AUTS2: variants seen among roughly 807,000 people sequenced by gnomAD.
The protein encoded by AUTS2 is autism susceptibility gene 2 protein.
Under a neutral mutation model 112.4 loss-of-function variants are expected in AUTS2, and 17 were observed. That is an observed-to-expected ratio of 0.15 (90% CI 0.10 to 0.23). The LOEUF is 0.23. Among genes scored for constraint, AUTS2 ranks in the 10% least tolerant of loss-of-function variants. The pLI is 1.00. For missense variants in AUTS2, 1,510 were observed against 1,701.6 expected, an observed-to-expected ratio of 0.89 and a Z score of 1.98; for synonymous variants, 751 against 702.7, an observed-to-expected ratio of 1.07 and a Z score of -1.09.
At chr7:70,683,253 G>A (rs867374879) in intron 5 of AUTS2, among the ~76,000 whole-genome samples, 1 of 145,270 alleles carries the variant, frequency 6.9e-6, no homozygotes, top group Non-Finnish European at 1.6e-5. Context: ...TTCGTGGAAA[G>A]GACTTTGCAG....
At chr7:69,688,656 T>C (rs983036065) in intron 1 of AUTS2, among the ~76,000 whole-genome samples, 5 of 152,198 alleles carry the variant, frequency 3.3e-5, no homozygotes, top group African/African-American at 1.2e-4. Flanking sequence ...CTTCTAGCTA[T>C]TTGACAATAC....
intron 5 of AUTS2, among the ~76,000 whole-genome samples, chr7:70,488,625 T>C (rs1414377029): frequency 6.6e-6 from 1 of 152,116 alleles, no homozygotes; most frequent in Non-Finnish European, 1.5e-5. Flanking sequence ...CAACCCTTTC[T>C]CTGGATCTCA....
intron 5 of AUTS2, chr7:70,436,499 GTCTT>G (rs1795899518): frequency 6.6e-6 from 1 of 152,194 alleles, no homozygotes; most frequent in Admixed American, 6.5e-5. Flanking sequence ...TGTCTGTTTG[GTCTT>G]TCTTTCTAGC....
chr7:70,294,695 G>A (rs1184391647), intron 4 of AUTS2, among the ~76,000 whole-genome samples: 1 of 152,186 alleles, frequency 6.6e-6, no homozygotes, highest in African/African-American at 2.4e-5. Context: ...ATGAGCACAT[G>A]TAGCCCAGAG....
At chr7:70,217,379 T>C (rs1395782513) in intron 4 of AUTS2, among the ~76,000 whole-genome samples, 1 of 152,196 alleles carries the variant, frequency 6.6e-6, no homozygotes, top group Non-Finnish European at 1.5e-5. Context: ...GTTTACATGT[T>C]GAGCCCAATT....
Position 69,691,411 on chromosome 7 carries a change from C to T in AUTS2, c.309+91449C>T, listed in dbSNP as rs183724096. 1.1e-4 allele frequency among the ~76,000 whole-genome samples: 17 copies of T among 152,240 alleles called. No homozygotes were observed. In the South Asian group the frequency reaches 1.7e-3, roughly 15 times the overall value. On this transcript the variant is annotated intron_variant, in intron 1 of 18. Coordinates refer to ENST00000342771, the MANE Select transcript of AUTS2 (RefSeq NM_015570.4). Reference sequence around the variant, plus strand: ...GTCTGCAGACCCATGCCAAGCTACCCTCAGCACCCACCCCCATCCTCCACT... The same window carrying T: ...GTCTGCAGACCCATGCCAAGCTACCTTCAGCACCCACCCCCATCCTCCACT...
At chr7:70,364,632 CA>C (rs1410201232) in intron 4 of AUTS2, among the ~76,000 whole-genome samples, 5 of 150,476 alleles carry the variant, frequency 3.3e-5, no homozygotes, top group African/African-American at 1.2e-4. Flanking sequence ...AAAAAGGGCT[CA>C]AAAGTCCTTT....
intron 1 of AUTS2, among the ~76,000 whole-genome samples, chr7:69,827,449 GA>G (rs200597266): frequency 4.0e-5 from 6 of 149,910 alleles, no homozygotes; most frequent in South Asian, 4.3e-4. Flanking sequence ...AAGAAGAGGG[GA>G]AAAAAAAACC....
chr7:70,647,145 A>G (rs1276754548), intron 5 of AUTS2, among the ~76,000 whole-genome samples: 1 of 152,150 alleles, frequency 6.6e-6, no homozygotes, highest in East Asian at 1.9e-4. Context: ...CATGTTGGAG[A>G]ATGCGTTCTG....
chr7:69,972,781 CT>C (rs1435374970), intron 2 of AUTS2, among the ~76,000 whole-genome samples: 2 of 151,508 alleles, frequency 1.3e-5, no homozygotes, highest in Non-Finnish European at 2.9e-5. Context: ...GTTCTTGTAC[CT>C]TTGTCCAAAA....
intron 1 of AUTS2, among the ~76,000 whole-genome samples, chr7:69,874,246 C>T (rs552398343): frequency 3.4e-4 from 52 of 152,000 alleles, no homozygotes; most frequent in African/African-American, 7.2e-5. Flanking sequence ...GAACAAGAGA[C>T]GTGAAGACAC....
At chr7:70,665,898 T>C (rs957472311) in intron 5 of AUTS2, among the ~76,000 whole-genome samples, 15 of 152,196 alleles carry the variant, frequency 9.9e-5, no homozygotes, top group African/African-American at 3.4e-4. Context: ...ACAACTGTAA[T>C]GTGAACACAA....
intron 4 of AUTS2, among the ~76,000 whole-genome samples, chr7:70,339,831 C>A (rs973031395): frequency 6.6e-6 from 1 of 151,316 alleles, no homozygotes; most frequent in African/African-American, 2.4e-5. Flanking sequence ...CAGGAATAAC[C>A]ATTCAGTTCA....
chr7:70,665,948 CA>C (rs1425039658), intron 5 of AUTS2, among the ~76,000 whole-genome samples: 2 of 152,184 alleles, frequency 1.3e-5, no homozygotes, highest in Non-Finnish European at 2.9e-5. Flanking sequence ...TCCCAGGATG[CA>C]TGTGGCTGAC....
chr7:69,620,309 A>G (rs1165941066), intron 1 of AUTS2, among the ~76,000 whole-genome samples: 1 of 152,238 alleles, frequency 6.6e-6, no homozygotes, highest in Non-Finnish European at 1.5e-5. Flanking sequence ...AAAAGACTTA[A>G]TCAGAAGTGA....
chr7:70,197,371 A>G (rs2129584740), intron 4 of AUTS2, among the ~76,000 whole-genome samples: 1 of 151,982 alleles, frequency 6.6e-6, no homozygotes, highest in East Asian at 2.0e-4. Flanking sequence ...GCTCCGGTCT[A>G]CAGCTCCCAG....
chr7:70,258,602 T>A (rs796366817), intron 4 of AUTS2, among the ~76,000 whole-genome samples: 2 of 152,294 alleles, frequency 1.3e-5, no homozygotes, highest in African/African-American at 4.8e-5. Flanking sequence ...TTTTGGAACA[T>A]TTATCTAAGG....
chr7:69,602,271 A>G (rs5005279), intron 1 of AUTS2, among the ~76,000 whole-genome samples: 92,553 of 151,792 alleles, frequency 0.61, 28,603 homozygotes, highest in East Asian at 0.7. Context: ...ATGTACAGTT[A>G]ATACCATTTC....
At chr7:70,036,326 A>G (rs544474203) in intron 2 of AUTS2, among the ~76,000 whole-genome samples, 2 of 152,340 alleles carry the variant, frequency 1.3e-5, no homozygotes, top group South Asian at 4.1e-4. Flanking sequence ...TTTAAGTAAC[A>G]ACAATATGGG....
Sources: gnomAD v4.1 joint callset for allele counts (sites outside exome capture counted in the v4.1 genomes callset) on GRCh38, gnomAD v4.1.1 for gene constraint, MANE v1.5 for transcripts, NCBI Gene and HGNC (gene_info 2026-07-23, HGNC 2026-07-21) for gene names.